DCC: variants seen among roughly 807,000 people sequenced by gnomAD.
DCC encodes netrin receptor DCC.
A neutral mutation model predicts 172.5 loss-of-function variants in DCC; 58 were observed. The observed-to-expected ratio is 0.34, with a 90% CI of 0.27 to 0.42. DCC has a LOEUF of 0.42. Ranked by LOEUF, DCC falls within the 10% of genes least tolerant of loss-of-function variation. DCC has a pLI of 1.00. For synonymous variants in DCC, 709 were observed against 644.5 expected (o/e 1.10, Z -1.52); for missense variants, 1,740 against 1,791.0 (o/e 0.97, Z 0.51).
chr18:52,765,200 A>AT lies in DCC; in HGVS notation c.412+12844dup, dbSNP rs563633847. 2.9e-3 allele frequency among the ~76,000 whole-genome samples: 399 copies of AT among 138,154 alleles called. 6 individuals are homozygous for AT. In the East Asian group the frequency reaches 0.033, roughly 11 times the overall value. 90.6% of individuals were successfully genotyped at this position (138,154 alleles called of 152,430 possible). A position where few individuals can be genotyped will look rare whatever the true frequency, so the allele number is the denominator to read the frequency against. The stretch of plus-strand genomic sequence containing the variant: ...AGGCATGTGCTAGCACTCCTGGCTA[A>AT]TTTTTTTTTTTTTTTTTTGTATTTT... On this transcript the variant is annotated intron_variant, in intron 2 of 28. Coordinates refer to ENST00000442544, the MANE Select transcript of DCC (RefSeq NM_005215.4).
intron 1 of DCC, among the ~76,000 whole-genome samples, chr18:52,706,905 A>C (rs1278307235): frequency 6.6e-6 from 1 of 152,170 alleles, no homozygotes; most frequent in African/African-American, 2.4e-5. Context: ...GGAGATGATC[A>C]GAGAGGGTCC....
intron 1 of DCC, among the ~76,000 whole-genome samples, chr18:52,702,396 C>T (rs1359960636): frequency 1.3e-5 from 2 of 152,148 alleles, no homozygotes; most frequent in African/African-American, 2.4e-5. Context: ...AGAATCATGA[C>T]CAGGTTCCTT....
At chr18:53,441,261 G>A (rs555281164) in intron 22 of DCC, among the ~76,000 whole-genome samples, 1 of 152,180 alleles carries the variant, frequency 6.6e-6, no homozygotes, top group East Asian at 1.9e-4. Context: ...AAAGTGGTAT[G>A]GCACCTCACT....
chr18:53,059,907 T>C (rs752796289), intron 5 of DCC, among the ~76,000 whole-genome samples: 115 of 152,230 alleles, frequency 7.6e-4, no homozygotes, highest in African/African-American at 1.4e-3. Flanking sequence ...CATTGAGATA[T>C]GGAGAAAAAT....
chr18:53,175,854 G>C (rs2055084630), intron 8 of DCC, among the ~76,000 whole-genome samples: 1 of 152,132 alleles, frequency 6.6e-6, no homozygotes, highest in Admixed American at 6.5e-5. Context: ...AACCAAAAAA[G>C]AGCCTGCATT....
chr18:52,943,676 TG>T (rs1166670298), intron 5 of DCC, among the ~76,000 whole-genome samples: 3 of 152,184 alleles, frequency 2.0e-5, no homozygotes, highest in African/African-American at 7.2e-5. Flanking sequence ...TCATAAAAAC[TG>T]TAGAGGATAT....
chr18:53,486,516 G>C (rs1236383075), intron 25 of DCC, among the ~76,000 whole-genome samples: 2 of 152,176 alleles, frequency 1.3e-5, no homozygotes, highest in African/African-American at 4.8e-5. Flanking sequence ...GACATAAAAT[G>C]TTAAGGTGGA....
At chr18:53,123,760 A>G (rs921018838) in intron 7 of DCC, among the ~76,000 whole-genome samples, 18 of 151,734 alleles carry the variant, frequency 1.2e-4, no homozygotes, top group Non-Finnish European at 1.9e-4. Flanking sequence ...ATGTCTATTC[A>G]CAGTCTTCAT....
At chr18:52,955,765 AT>A (rs1243126363) in intron 5 of DCC, among the ~76,000 whole-genome samples, 2 of 151,928 alleles carry the variant, frequency 1.3e-5, no homozygotes, top group African/African-American at 4.8e-5. Context: ...ATGGTACCAC[AT>A]TTTTTGTTTT....
In DCC at chr18:53,280,363, A is replaced by G. The variant is rs139796283; in HGVS notation, c.1912-25215A>G. 8.3e-3 allele frequency among the ~76,000 whole-genome samples: 1,257 copies of G among 151,930 alleles called. 14 individuals carry two copies. The highest frequency in any genetic ancestry group is 0.024 in the Admixed American group (365 of 15,246). On this transcript the variant is annotated intron_variant, in intron 12 of 28. Coordinates refer to ENST00000442544, the MANE Select transcript of DCC (RefSeq NM_005215.4). ...TTTGTAGGTTTTATTGTTGATGTTG[A>G]TTTTTTTGGAACAATATATTGAAAA...
At chr18:52,406,651 C>T (rs1986662821) in intron 1 of DCC, among the ~76,000 whole-genome samples, 5 of 152,036 alleles carry the variant, frequency 3.3e-5, no homozygotes, top group Admixed American at 1.3e-4. Context: ...CTAGCTAATC[C>T]TTTTACTTCT....
intron 5 of DCC, among the ~76,000 whole-genome samples, chr18:52,999,144 C>T (rs1000205519): frequency 5.3e-5 from 8 of 151,992 alleles, no homozygotes; most frequent in African/African-American, 1.9e-4. Context: ...GCAGTGAAAG[C>T]CCTAAAGAGC....
chr18:52,847,485 C>G lies in DCC; in HGVS notation c.413-58559C>G, dbSNP rs180758437. On this transcript the variant is annotated intron_variant, in intron 2 of 28. Transcript: ENST00000442544. ...AAATATATTTCATTATTTTAGCAAA[C>G]AGCATAATAATGATGCATTAAGTTA... is the stretch of plus-strand genomic sequence containing the variant. 2.4e-4 allele frequency among the ~76,000 whole-genome samples: 36 copies of G among 152,218 alleles called. No individual in the cohort carries two copies. The East Asian group carries it at 6.9e-3, about 29-fold the overall frequency.
At position 52,834,862 on chromosome 18, in the gene DCC, G is replaced by A. The variant is rs9960742; in HGVS notation, c.413-71182G>A. The stretch of plus-strand genomic sequence containing the variant: ...GTAAGTTTTCTTGTTGGAAAAAAAT[G>A]ACTGGTACAATTAACTACTATATGT... On this transcript the variant is annotated intron_variant, in intron 2 of 28. Coordinates refer to ENST00000442544, the MANE Select transcript of DCC (RefSeq NM_005215.4). 3.1e-3 allele frequency among the ~76,000 whole-genome samples: 466 copies of A among 152,024 alleles called. 1 individual carries two copies. Among genetic ancestry groups the A allele is most frequent in the African/African-American group, 0.011 (449 of 41,448 alleles).
At chr18:53,331,981 C>G (rs1272230732) in intron 14 of DCC, among the ~76,000 whole-genome samples, 1 of 152,098 alleles carries the variant, frequency 6.6e-6, no homozygotes, top group Non-Finnish European at 1.5e-5. Context: ...TACAAAGGTG[C>G]AGAGAGGATG....
chr18:52,556,251 T>G (rs2032910756), intron 1 of DCC, among the ~76,000 whole-genome samples: 4 of 152,080 alleles, frequency 2.6e-5, no homozygotes, highest in Admixed American at 2.6e-4. Flanking sequence ...GAGTCCAAAG[T>G]TGTAACACAA....
At position 52,779,229 on chromosome 18, in the gene DCC, C is replaced by G. The variant is rs529409968; in HGVS notation, c.412+26855C>G. Among the ~76,000 whole-genome samples, 27 of 152,210 alleles carry G rather than the reference C, an allele frequency of 1.8e-4. No homozygotes were observed. In the East Asian group the frequency reaches 5.2e-3, roughly 29 times the overall value. On this transcript the variant is annotated intron_variant, in intron 2 of 28. Transcript: ENST00000442544. ...TGCAGGTTTGTTACATAGGTACACA[C>G]GTGCCATGGTGGCTTGCTGCACCCA...
intron 1 of DCC, among the ~76,000 whole-genome samples, chr18:52,553,223 C>CAT (rs549459896): frequency 1.4e-3 from 212 of 150,468 alleles, no homozygotes; most frequent in African/African-American, 5.1e-3. Context: ...AACATATATA[C>CAT]ATATACACAC....
chr18:53,366,341 C>T (rs2058004785), intron 15 of DCC, among the ~76,000 whole-genome samples: 1 of 152,176 alleles, frequency 6.6e-6, no homozygotes, highest in Non-Finnish European at 1.5e-5. Flanking sequence ...AGCCACCACA[C>T]CCAGCCCTTA....
Sources: allele counts gnomAD v4.1 joint callset (sites outside exome capture counted in the v4.1 genomes callset), GRCh38; gene constraint gnomAD v4.1.1; transcripts MANE v1.5; gene names NCBI Gene and HGNC (gene_info 2026-07-23, HGNC 2026-07-21).